The following NSMF variants were observed in gnomAD, a reference collection of about 807,000 sequenced individuals.
NSMF encodes the protein nasal embryonic LHRH factor.
In NSMF, 31 loss-of-function variants were observed where a neutral mutation model predicts 71.0. That is an observed-to-expected ratio of 0.44 (90% CI 0.33 to 0.59). The LOEUF is 0.59. NSMF is among the 20% of genes least tolerant of loss of function. The pLI is 0.04. For synonymous variants in NSMF, 345 were observed against 287.1 expected (o/e 1.20, Z -2.04); for missense variants, 673 against 740.5 (o/e 0.91, Z 1.06).
Position 137,455,629 on chromosome 9 carries a change from G to C in NSMF, c.710C>G (p.Ser237Trp). The C allele has an allele frequency of 6.5e-7, 1 of 1,550,370 alleles. No individual in the cohort carries two copies. Among genetic ancestry groups the C allele is most frequent in the Non-Finnish European group, 8.7e-7 (1 of 1,146,882 alleles). ...QTATTTMQAI[S>W]VFRGYAERKR... ...GGCACCAAGTCATACAGGTACTTAC[G>C]AGATGCTGAAGCCAGGGCCAGAAGG... Residue 237 changes from serine to tryptophan, a missense_variant and splice_region_variant, in exon 5 of 16, where the codon TCG becomes TGG. Physicochemically the swap from Ser to Trp is radical, Grantham distance 177. Transcript: ENST00000371475.
intron 7 of NSMF, 115 bp downstream of exon 7, chr9:137,454,276 G>A (rs1045581458): frequency 9.7e-7 from 1 of 1,028,082 alleles, no homozygotes. Context: ...GGAGCCTGAG[G>A]CAGGGCCCGA....
chr9:137,455,507 C>A, intron 5 of NSMF, 122 bp downstream of exon 5: 1 of 1,272,558 alleles, frequency 7.9e-7, no homozygotes, highest in Non-Finnish European at 1.1e-6. Flanking sequence ...GGAGCCAGGC[C>A]CGCAGAGAGC....
chr9:137,453,557 A>G lies in NSMF; in HGVS notation c.922+174T>C. 1.6e-6 allele frequency: 1 copy of G among 627,152 alleles called. No homozygotes were observed. Among genetic ancestry groups the G allele is most frequent in the Non-Finnish European group, 2.7e-6 (1 of 363,782 alleles). 38.8% of individuals were successfully genotyped at this position (627,152 alleles called of 1,614,324 possible). On this transcript the variant is annotated intron_variant, in intron 8 of 15. Coordinates refer to ENST00000371475, the MANE Select transcript of NSMF (RefSeq NM_001130969.3). The surrounding 1 kb of genome is among the most constrained non-coding windows in gnomAD (Gnocchi z 4.5). ...GGCCAGCACTGCCGCGGCCGTTGTT[A>G]GCCCCGCCTTTGCGATCGGAGATGC...
intron 2 of NSMF, 76 bp from the exon 3 acceptor site, chr9:137,457,977 G>A: frequency 6.5e-7 from 1 of 1,532,156 alleles, no homozygotes; most frequent in Non-Finnish European, 8.7e-7. Context: ...GCCGAAGGCA[G>A]AGAACACCCA....
At chr9:137,452,665 G>C (rs753182305) in intron 10 of NSMF, 71 bp downstream of exon 10, 7 of 1,606,126 alleles carry the variant, frequency 4.4e-6, no homozygotes, top group Non-Finnish European at 6.0e-6. Flanking sequence ...GGGGACCTGG[G>C]GTGCCGGCGC....
chr9:137,452,514 G>A (rs1309261826), intron 11 of NSMF, 39 bp downstream of exon 11: 4 of 1,612,302 alleles, frequency 2.5e-6, no homozygotes, highest in Non-Finnish European at 2.5e-6. Context: ...CCCCTCCCAG[G>A]CCTGGAACCA....
rs1159069965 is a variant in NSMF at position 137,449,615 on chromosome 9, C to A, written c.1479G>T (p.Leu493=). Residue 493 remains leucine, a synonymous_variant, in exon 15 of 16, where the codon CTG becomes CTT. Transcript: ENST00000371475. ...GTAACTCACCTTGGGCTGAGAGCTC[C>A]AGGGGTGACTCGAAGGTGACCCTAT... is the stretch of plus-strand genomic sequence containing the variant. ...TPYRVTFESP[L]ELSAQGKQMI... is the part of the protein sequence containing the mutation. 9 of 1,612,490 alleles carry A rather than the reference C, an allele frequency of 5.6e-6. No individual in the cohort carries two copies. The highest frequency in any genetic ancestry group is 7.6e-6 in the Non-Finnish European group (9 of 1,179,818).
rs1246466109 is a variant in NSMF, at chr9:137,457,869, C to G, written c.166G>C (p.Asp56His). Residue 56 changes from aspartate to histidine, a missense_variant, in exon 3 of 16, where the codon GAC becomes CAC. Asp to His is a moderately conservative substitution (Grantham distance 81). Transcript: ENST00000371475. Reference protein sequence around the residue: ...HLLADAYSGHDGSPEMQPAPQ... With the variant: ...HLLADAYSGHHGSPEMQPAPQ... Reference sequence around the variant, plus strand: ...GCCGGCTGCATCTCGGGGGACCCGTCGTGGCCAGAGTAGGCATCAGCCAGC... The same window carrying G: ...GCCGGCTGCATCTCGGGGGACCCGTGGTGGCCAGAGTAGGCATCAGCCAGC... 4 of 1,548,650 alleles carry G rather than the reference C, an allele frequency of 2.6e-6. No homozygotes were observed. Among genetic ancestry groups the G allele is most frequent in the Admixed American group, 3.9e-5 (2 of 51,362 alleles).
chr9:137,459,010 A>C, intron 1 of NSMF, 22 bp downstream of exon 1: 1 of 1,272,832 alleles, frequency 7.9e-7, no homozygotes, highest in Non-Finnish European at 9.9e-7. Context: ...GGGGTGCGGG[A>C]AGGCGGCCCC....
At position 137,458,585 on chromosome 9, in the gene NSMF, G is replaced by A. The variant is rs551839655; in HGVS notation, c.72-36C>T. On this transcript the variant is annotated intron_variant, in intron 1 of 15. Coordinates refer to ENST00000371475, the MANE Select transcript of NSMF (RefSeq NM_001130969.3). The stretch of plus-strand genomic sequence containing the variant: ...ACAGAGGGCACGGTCAGAGGCCACG[G>A]CACGACCCTCCCAAACACCGGGCCG... 6 of 1,558,394 alleles carry A rather than the reference G, an allele frequency of 3.9e-6. No individual in the cohort carries two copies. In the East Asian group the frequency reaches 1.4e-4, roughly 37 times the overall value.
chr9:137,455,769 C>T lies in NSMF; in HGVS notation c.705-135G>A, dbSNP rs565864143. On this transcript the variant is annotated intron_variant, in intron 4 of 15. Transcript: ENST00000371475. ...CCCAATAGGTCCCTCACAGGTAACC[C>T]AGCCACCAGCAGGATGCTGGCTACA... 6.5e-6 allele frequency: 6 copies of T among 926,724 alleles called. No homozygotes were observed. The East Asian group carries it at 1.3e-4, about 20-fold the overall frequency. The allele number at this position is 926,724 out of a possible 1,614,324, so 57.4% of individuals were successfully genotyped here.
rs759166358 is a variant in NSMF, at chr9:137,453,083, G to T, written c.1020C>A (p.Thr340=). The stretch of plus-strand genomic sequence containing the variant: ...TGACCTTTGGTGGCACGAAGCCTTC[G>T]GTGTCGCAGGCCACAGCCTCCAGGC... The part of the protein sequence containing the change: ...EKGLEAVACD[T]EGFVPPKVML... Residue 340 remains threonine, a synonymous_variant, in exon 9 of 16, where the codon ACC becomes ACA. Coordinates refer to ENST00000371475, the MANE Select transcript of NSMF (RefSeq NM_001130969.3). This position sits in a 1 kb window ranked among gnomAD's most constrained non-coding sequence, Gnocchi z 4.5. The T allele has an allele frequency of 6.2e-7, 1 of 1,612,596 alleles. No individual in the cohort carries two copies. Among genetic ancestry groups the T allele is most frequent in the Non-Finnish European group, 8.5e-7 (1 of 1,179,910 alleles).
rs1166147052 is a variant in NSMF at position 137,449,908 on chromosome 9, T to G, written c.1419+15A>C. The G allele has an allele frequency of 6.2e-7, 1 of 1,602,254 alleles. No homozygotes were observed. The highest frequency in any genetic ancestry group is 2.2e-5 in the East Asian group (1 of 44,832). On this transcript the variant is annotated intron_variant, in intron 14 of 15. Transcript: ENST00000371475. Reference sequence around the variant, plus strand: ...GTTTCCAGAGGTCTGGGGTGGGGCTTGGGGGTCACTGTACCTTCTCTCCAT... The same window carrying G: ...GTTTCCAGAGGTCTGGGGTGGGGCTGGGGGGTCACTGTACCTTCTCTCCAT...
intron 12 of NSMF, among the ~76,000 whole-genome samples, chr9:137,450,965 G>A (rs186058091): frequency 1.1e-4 from 1 of 9,360 alleles, no homozygotes; most frequent in Admixed American, 1.5e-3. Context: ...CCTGCCCCTC[G>A]TCTCTTCCCC....
chr9:137,459,170 G>T lies in NSMF; in HGVS notation c.-68C>A. 1 of 1,093,598 alleles carries T rather than the reference G, an allele frequency of 9.1e-7. No individual in the cohort carries two copies. 67.7% of individuals were successfully genotyped at this position (1,093,598 alleles called of 1,614,324 possible). ...CGCGCCCGCCGCCTCCGCCGGGGTAGCCGCGCCGCACCGGGGGTCGCGCTC... is the reference window on the plus strand; with the variant it reads ...CGCGCCCGCCGCCTCCGCCGGGGTATCCGCGCCGCACCGGGGGTCGCGCTC... On this transcript the variant is annotated 5_prime_UTR_variant, in exon 1 of 16. Coordinates refer to ENST00000371475, the MANE Select transcript of NSMF (RefSeq NM_001130969.3).
rs1249519701 is a variant in NSMF at position 137,449,501 on chromosome 9, G to C, written c.1496-10C>G. 1 of 1,612,574 alleles carries C rather than the reference G, an allele frequency of 6.2e-7. No homozygotes were observed. The highest frequency in any genetic ancestry group is 2.2e-5 in the East Asian group (1 of 44,884). ...TCGATCATCTGCTTCCCTGGGCGGA[G>C]CGGGGGCAGGAGGCTCAGGCCTGGC... On this transcript the variant is annotated splice_polypyrimidine_tract_variant and intron_variant, in intron 15 of 15. Coordinates refer to ENST00000371475, the MANE Select transcript of NSMF (RefSeq NM_001130969.3).
At chr9:137,455,152 A>G (rs1830768318) in intron 6 of NSMF, 87 bp downstream of exon 6, 1 of 1,407,014 alleles carries the variant, frequency 7.1e-7, no homozygotes, top group South Asian at 1.1e-5. Context: ...CCCTTCCCCC[A>G]TCAGGTCTGC....
At chr9:137,449,842 A>G (rs1408709163) in intron 14 of NSMF, 81 bp downstream of exon 14, 5 of 1,398,312 alleles carry the variant, frequency 3.6e-6, no homozygotes, top group Non-Finnish European at 5.1e-6. Flanking sequence ...AAAAAATGCC[A>G]GGAAACATGG....
intron 3 of NSMF, among the ~76,000 whole-genome samples, chr9:137,457,177 G>A (rs948688727): frequency 5.3e-5 from 8 of 152,194 alleles, no homozygotes; most frequent in Non-Finnish European, 7.4e-5. Flanking sequence ...CTAGCAGGGC[G>A]AAAGCGGACT....
Sources: allele counts gnomAD v4.1 joint callset (sites outside exome capture counted in the v4.1 genomes callset), GRCh38; gene constraint gnomAD v4.1.1; non-coding constraint Gnocchi (gnomAD v3.1); transcripts MANE v1.5; gene names NCBI Gene and HGNC (gene_info 2026-07-23, HGNC 2026-07-21).